Variants in ZNF385D observed in about 807,000 individuals in gnomAD.
ZNF385D encodes the protein zinc finger protein 385D, also known as zinc finger protein 659.
A neutral mutation model predicts 35.8 loss-of-function variants in ZNF385D; 15 were observed. The observed-to-expected ratio is 0.42, with a 90% CI of 0.28 to 0.64. The LOEUF is 0.64. Among genes scored for constraint, ZNF385D ranks in the 30% least tolerant of loss-of-function variants. The pLI, the probability that ZNF385D is intolerant of heterozygous loss-of-function variation, is 0.23. For synonymous variants in ZNF385D, 212 were observed against 186.8 expected (o/e 1.13, Z -1.10); for missense variants, 474 against 494.6 (o/e 0.96, Z 0.39).
intron 3 of ZNF385D, among the ~76,000 whole-genome samples, chr3:21,838,549 A>C (rs1319564325): frequency 6.6e-6 from 1 of 152,106 alleles, no homozygotes; most frequent in Non-Finnish European, 1.5e-5. Flanking sequence ...AATTCCCAAC[A>C]GCCACTAAAA....
chr3:21,655,053 A>G (rs1383373638), intron 2 of ZNF385D, among the ~76,000 whole-genome samples: 2 of 152,034 alleles, frequency 1.3e-5, no homozygotes, highest in East Asian at 1.9e-4. Flanking sequence ...GCCATGAGGT[A>G]GAACACAGTG....
chr3:21,922,304 A>G (rs1208186262), intron 3 of ZNF385D, among the ~76,000 whole-genome samples: 1 of 152,178 alleles, frequency 6.6e-6, no homozygotes, highest in East Asian at 1.9e-4. Context: ...AATCATGTAG[A>G]ACTAAAAAAG....
intron 3 of ZNF385D, among the ~76,000 whole-genome samples, chr3:21,983,476 C>T (rs1160878727): frequency 8.1e-6 from 1 of 122,764 alleles, no homozygotes; most frequent in East Asian, 2.2e-4. Flanking sequence ...CATCCATGTC[C>T]CTACAAAGGA....
At chr3:22,349,842 C>A (rs1274508305) in intron 2 of ZNF385D, among the ~76,000 whole-genome samples, 2 of 152,002 alleles carry the variant, frequency 1.3e-5, no homozygotes, top group Non-Finnish European at 2.9e-5. Context: ...CTAGACATTG[C>A]CATTATTAAT....
rs561162491 is a variant in ZNF385D at position 22,184,110 on chromosome 3, T to C, written c.107-15075A>G. Among the ~76,000 whole-genome samples, 190 of 152,254 alleles carry C rather than the reference T, an allele frequency of 1.2e-3. 1 individual carries two copies. The highest frequency in any genetic ancestry group is 4.3e-3 in the African/African-American group (180 of 41,556). ...ACAGTAGTGGTACAAAAAGCAAGGA[T>C]TATCAAAGTGTGCTGACTGTAACAT... On this transcript the variant is annotated intron_variant, in intron 2 of 5. Coordinates refer to the ZNF385D transcript ENST00000494108.
intron 3 of ZNF385D, among the ~76,000 whole-genome samples, chr3:21,966,680 C>G (rs1244236930): frequency 3.3e-5 from 5 of 152,164 alleles, no homozygotes; most frequent in African/African-American, 9.7e-5. Context: ...CTCCCGGGTT[C>G]AATCGATTTT....
At chr3:21,695,311 C>G (rs572712633) in intron 1 of ZNF385D, among the ~76,000 whole-genome samples, 1 of 152,256 alleles carries the variant, frequency 6.6e-6, no homozygotes, top group Admixed American at 6.5e-5. Context: ...TTGGATGCCT[C>G]TGGAGACAGG....
Position 21,541,525 on chromosome 3 carries a change from G to T in ZNF385D, c.276+23049C>A, listed in dbSNP as rs186543691. 9.2e-5 allele frequency among the ~76,000 whole-genome samples: 14 copies of T among 152,186 alleles called. No individual in the cohort carries two copies. In the East Asian group the frequency reaches 1.5e-3, roughly 17 times the overall value. ...ACAACAAATAGCAACTGTTAGGAAGGGAAGGATACGAATGGCCACAAAACC... is the reference window on the plus strand; with the variant it reads ...ACAACAAATAGCAACTGTTAGGAAGTGAAGGATACGAATGGCCACAAAACC... On this transcript the variant is annotated intron_variant, in intron 3 of 7. Coordinates refer to ENST00000281523, the MANE Select transcript of ZNF385D (RefSeq NM_024697.3).
upstream of ZNF385D, chr3:21,751,568 G>A (rs1444090781): frequency 5.1e-6 from 2 of 389,284 alleles, no homozygotes; most frequent in Non-Finnish European, 7.0e-6. Context: ...ACGGCAGTAC[G>A]AAGAGGGATG....
At chr3:22,073,921 G>T (rs1700345200) in intron 3 of ZNF385D, among the ~76,000 whole-genome samples, 1 of 151,790 alleles carries the variant, frequency 6.6e-6, no homozygotes, top group African/African-American at 2.4e-5. Flanking sequence ...CTTTAAAAGG[G>T]CAGTTTATCT....
intron 1 of ZNF385D, among the ~76,000 whole-genome samples, chr3:21,725,068 G>T (rs999213135): frequency 1.3e-5 from 2 of 152,128 alleles, no homozygotes; most frequent in African/African-American, 4.8e-5. Flanking sequence ...TGAACAATGT[G>T]CTCCTGAATG....
intron 2 of ZNF385D, among the ~76,000 whole-genome samples, chr3:22,263,055 C>T (rs529498869): frequency 6.6e-6 from 1 of 152,116 alleles, no homozygotes; most frequent in South Asian, 2.1e-4. Context: ...TCATCACCCC[C>T]AGTTCCAGTT....
chr3:22,121,720 C>A, intron 3 of ZNF385D, among the ~76,000 whole-genome samples: 1 of 148,990 alleles, frequency 6.7e-6, no homozygotes, highest in African/African-American at 2.5e-5. Context: ...GCTGGGTAAA[C>A]ACAATCCCCT....
At chr3:22,168,907 A>G in exon 3 of ZNF385D, 4 of 985,860 alleles carry the variant, frequency 4.1e-6, no homozygotes, top group Non-Finnish European at 4.8e-6. Context: ...TGAGCGGCTG[A>G]ATTCAGCTGA....
At chr3:21,852,670 G>T (rs935790048) in intron 3 of ZNF385D, among the ~76,000 whole-genome samples, 2 of 151,902 alleles carry the variant, frequency 1.3e-5, no homozygotes, top group Non-Finnish European at 1.5e-5. Flanking sequence ...AGGACAAGAT[G>T]ATTATGTCAT....
intron 2 of ZNF385D, among the ~76,000 whole-genome samples, chr3:21,636,295 G>A (rs1575369182): frequency 6.9e-6 from 1 of 145,286 alleles, no homozygotes; most frequent in African/African-American, 2.5e-5. Flanking sequence ...GAGGGACAGA[G>A]CTAATAGGAG....
At chr3:22,250,290 T>A (rs983870817) in intron 2 of ZNF385D, among the ~76,000 whole-genome samples, 2 of 152,158 alleles carry the variant, frequency 1.3e-5, no homozygotes, top group Non-Finnish European at 2.9e-5. Flanking sequence ...AAAGTCTTTT[T>A]ATTTATTTTT....
At chr3:22,351,363 A>T (rs1035284914) in intron 2 of ZNF385D, among the ~76,000 whole-genome samples, 1 of 152,080 alleles carries the variant, frequency 6.6e-6, no homozygotes, top group Non-Finnish European at 1.5e-5. Flanking sequence ...GAACTTTCTG[A>T]AAGATTCTCT....
chr3:22,164,322 G>C (rs935079665), intron 3 of ZNF385D, among the ~76,000 whole-genome samples: 1 of 143,066 alleles, frequency 7.0e-6, no homozygotes, highest in Non-Finnish European at 1.5e-5. Context: ...TCTGCCTCCC[G>C]GGTTCAAGTA....
Sources: allele counts gnomAD v4.1 joint callset (sites outside exome capture counted in the v4.1 genomes callset), GRCh38; gene constraint gnomAD v4.1.1; transcripts MANE v1.5; gene names NCBI Gene and HGNC (gene_info 2026-07-23, HGNC 2026-07-21).